The following CYB5R3 variants were observed in gnomAD, a reference collection of about 807,000 sequenced individuals.
The protein encoded by CYB5R3 is NADH-cytochrome b5 reductase 3.
In CYB5R3, 28 loss-of-function variants were observed where a neutral mutation model predicts 36.5. The ratio of observed to expected loss-of-function variants is 0.77; its 90% CI spans 0.57 to 1.05. The LOEUF is 1.05. Ranked by LOEUF, CYB5R3 falls within the 50% of genes least tolerant of loss-of-function variation. The pLI, the probability that CYB5R3 is intolerant of heterozygous loss-of-function variation, is 0.00. For missense variants in CYB5R3, 474 were observed against 408.9 expected (o/e 1.16, Z -1.37); for synonymous variants, 181 against 159.8 (o/e 1.13, Z -1.00).
intron 7 of CYB5R3, among the ~76,000 whole-genome samples, chr22:42,626,604 G>A (rs1255523193): frequency 2.0e-5 from 3 of 152,204 alleles, no homozygotes; most frequent in Admixed American, 6.5e-5. Flanking sequence ...CATCTTGGTT[G>A]GCCTTGCGGC....
At chr22:42,645,563 G>A (rs950842755) in intron 1 of CYB5R3, among the ~76,000 whole-genome samples, 6 of 152,120 alleles carry the variant, frequency 3.9e-5, no homozygotes, top group South Asian at 2.1e-4. Context: ...GGCCAGGCTC[G>A]CCGTGGGCAG....
intron 2 of CYB5R3, among the ~76,000 whole-genome samples, chr22:42,635,932 A>G (rs1240301063): frequency 2.0e-5 from 3 of 152,200 alleles, no homozygotes; most frequent in South Asian, 4.1e-4. Context: ...AAAAGGAGTC[A>G]GGCCGGGCAC....
intron 7 of CYB5R3, among the ~76,000 whole-genome samples, chr22:42,625,251 A>T (rs1928201633): frequency 6.6e-6 from 1 of 152,140 alleles, no homozygotes; most frequent in Non-Finnish European, 1.5e-5. Flanking sequence ...TCATGCCTGT[A>T]ATCTCAGCAC....
At chr22:42,626,484 G>A (rs917926077) in intron 7 of CYB5R3, among the ~76,000 whole-genome samples, 4 of 152,088 alleles carry the variant, frequency 2.6e-5, no homozygotes, top group African/African-American at 7.2e-5. Flanking sequence ...ACGGTCTGAC[G>A]GCCTCCACAG....
Position 42,636,698 on chromosome 22 carries a change from C to A in CYB5R3, c.153+17G>T. The stretch of plus-strand genomic sequence containing the variant: ...TGCTGTGATGCTGACGAGGCAGCGG[C>A]GGCGGCCGGCACTCACCTCCCGGTC... On this transcript the variant is annotated intron_variant, in intron 2 of 8. Coordinates refer to ENST00000352397, the MANE Select transcript of CYB5R3 (RefSeq NM_000398.7). 1.2e-6 allele frequency: 2 copies of A among 1,608,260 alleles called. No homozygotes were observed. Among genetic ancestry groups the A allele is most frequent in the Non-Finnish European group, 1.7e-6 (2 of 1,179,364 alleles).
At chr22:42,630,841 C>T (rs1928571842) in intron 4 of CYB5R3, 41 bp downstream of exon 4, 4 of 1,546,608 alleles carry the variant, frequency 2.6e-6, no homozygotes, top group Non-Finnish European at 8.9e-7. Flanking sequence ...CCATGGCCAC[C>T]CACCCACACC....
At chr22:42,630,383 C>T (rs565712452) in intron 4 of CYB5R3, among the ~76,000 whole-genome samples, 11 of 152,192 alleles carry the variant, frequency 7.2e-5, no homozygotes, top group Non-Finnish European at 1.2e-4. Flanking sequence ...GAGGCCCGGC[C>T]GCTGACCACG....
chr22:42,626,311 A>AAAAT (rs1159227760), intron 7 of CYB5R3, among the ~76,000 whole-genome samples: 1 of 152,226 alleles, frequency 6.6e-6, no homozygotes, highest in Non-Finnish European at 1.5e-5. Context: ...ACTTTGTATC[A>AAAAT]AAATAAATAA....
intron 1 of CYB5R3, among the ~76,000 whole-genome samples, chr22:42,643,607 T>C (rs1056839868): frequency 4.6e-5 from 7 of 152,014 alleles, no homozygotes; most frequent in African/African-American, 1.7e-4. Context: ...ATTTGACCCA[T>C]GGGTCTAAAG....
intron 8 of CYB5R3, among the ~76,000 whole-genome samples, chr22:42,621,669 G>C (rs1196247746): frequency 6.6e-6 from 1 of 152,256 alleles, no homozygotes; most frequent in Non-Finnish European, 1.5e-5. Context: ...CTGTCCCGTG[G>C]TGGTGGTGCA....
Position 42,637,861 on chromosome 22 carries a change from G to A in CYB5R3, c.22-1015C>T, listed in dbSNP as rs552223559. On this transcript the variant is annotated intron_variant, in intron 1 of 8. Coordinates refer to ENST00000352397, the MANE Select transcript of CYB5R3 (RefSeq NM_000398.7). ...AGAGTCCACCCATCCCTTATACCAC[G>A]CTGGGATACCTCATGACCAAGTGGA... Among the ~76,000 whole-genome samples, 19 of 152,300 alleles carry A rather than the reference G, an allele frequency of 1.2e-4. No homozygotes were observed. In the South Asian group the frequency reaches 3.7e-3, roughly 30 times the overall value.
At chr22:42,647,397 T>A (rs113778284) in intron 1 of CYB5R3, among the ~76,000 whole-genome samples, 6 of 152,290 alleles carry the variant, frequency 3.9e-5, no homozygotes, top group African/African-American at 1.4e-4. Context: ...GAGGATCACT[T>A]GAGCTCAGTT....
chr22:42,627,782 T>A, intron 5 of CYB5R3, 94 bp from the exon 6 acceptor site: 1 of 943,804 alleles, frequency 1.1e-6, no homozygotes, highest in Non-Finnish European at 1.7e-6. Context: ...CTGCCCCCAC[T>A]GTGAGGTCCG....
intron 1 of CYB5R3, chr22:42,644,738 A>C (rs1340717704): frequency 1.2e-6 from 1 of 813,200 alleles, no homozygotes; most frequent in Non-Finnish European, 1.5e-6. Flanking sequence ...ACAGGAAATC[A>C]CCATTGTTGG....
intron 7 of CYB5R3, among the ~76,000 whole-genome samples, chr22:42,626,093 G>A (rs925655904): frequency 6.6e-6 from 1 of 152,240 alleles, no homozygotes; most frequent in Admixed American, 6.5e-5. Context: ...TGGATCACCT[G>A]AGGTCAGGAG....
rs1929074816 is a variant in CYB5R3 at position 42,639,001 on chromosome 22, TC to T, written c.22-2156del. ...GTGAGCCGAGATCGTGCCATTGCAC[TC>T]CAGCTTGGGCAACAAGAGTGAAACT... is the stretch of plus-strand genomic sequence containing the variant. On this transcript the variant is annotated intron_variant, in intron 1 of 8. Coordinates refer to ENST00000352397, the MANE Select transcript of CYB5R3 (RefSeq NM_000398.7). 59 of 411,302 alleles carry T rather than the reference TC, an allele frequency of 1.4e-4. 2 individuals carry two copies. The highest frequency in any genetic ancestry group is 1.0e-3 in the South Asian group (59 of 57,296). The allele number at this position is 411,302 out of a possible 1,614,324, so 25.5% of individuals were successfully genotyped here.
At chr22:42,622,415 C>T (rs1054393182) in intron 8 of CYB5R3, among the ~76,000 whole-genome samples, 21 of 152,248 alleles carry the variant, frequency 1.4e-4, no homozygotes, top group Admixed American at 5.9e-4. Context: ...AGGTCAGCTG[C>T]GGGGTCAGGT....
intron 1 of CYB5R3, 26 bp downstream of exon 1, chr22:42,649,269 G>T: frequency 1.1e-6 from 1 of 931,514 alleles, no homozygotes; most frequent in Non-Finnish European, 1.3e-6. Flanking sequence ...GACGCCCCGC[G>T]GCCCCGGCGC....
chr22:42,643,057 C>T (rs1929363138), intron 1 of CYB5R3, among the ~76,000 whole-genome samples: 2 of 152,194 alleles, frequency 1.3e-5, no homozygotes, highest in Admixed American at 6.5e-5. Flanking sequence ...GTAGTATATC[C>T]TGCAGAACAC....
Sources: gnomAD v4.1 joint callset for allele counts (sites outside exome capture counted in the v4.1 genomes callset) on GRCh38, gnomAD v4.1.1 for gene constraint, MANE v1.5 for transcripts, NCBI Gene and HGNC (gene_info 2026-07-23, HGNC 2026-07-21) for gene names.